CLASP1: variants seen among roughly 807,000 people sequenced by gnomAD.
CLASP1 encodes CLIP-associating protein 1.
Under a neutral mutation model 192.3 loss-of-function variants are expected in CLASP1, and 38 were observed. That is an observed-to-expected ratio of 0.20 (90% CI 0.15 to 0.26). The LOEUF is 0.26. Among genes scored for constraint, CLASP1 ranks in the 10% least tolerant of loss-of-function variants. The pLI is 1.00. For synonymous variants in CLASP1, 691 were observed against 712.8 expected (o/e 0.97, Z 0.49); for missense variants, 1,433 against 1,932.5 (o/e 0.74, Z 4.85).
chr2:121,587,109 T>C (rs187943765), intron 2 of CLASP1, among the ~76,000 whole-genome samples: 5 of 152,138 alleles, frequency 3.3e-5, no homozygotes, highest in East Asian at 1.9e-4. Flanking sequence ...GGCACAGTGG[T>C]GCGAGCCTGT....
chr2:121,640,016 T>C (rs2071722715), intron 1 of CLASP1, among the ~76,000 whole-genome samples: 1 of 152,082 alleles, frequency 6.6e-6, no homozygotes, highest in African/African-American at 2.4e-5. Context: ...GTGGCACATA[T>C]ATACCATGGA....
At chr2:121,363,334 A>T in intron 36 of CLASP1, 34 bp from the exon 38 acceptor site, 1 of 1,611,088 alleles carries the variant, frequency 6.2e-7, no homozygotes, top group South Asian at 1.1e-5. Context: ...ACATCACCAA[A>T]CACCACACAG....
intron 2 of CLASP1, among the ~76,000 whole-genome samples, chr2:121,594,883 C>T (rs1266275587): frequency 1.3e-5 from 2 of 152,004 alleles, no homozygotes; most frequent in Admixed American, 1.3e-4. Flanking sequence ...CACTGGGGTC[C>T]AGGTGAAACA....
At chr2:121,636,697 T>A (rs546097190) in intron 1 of CLASP1, among the ~76,000 whole-genome samples, 42 of 152,162 alleles carry the variant, frequency 2.8e-4, no homozygotes, top group Middle Eastern at 3.4e-3. Flanking sequence ...ATAAATTTTT[T>A]AAAAAATTTC....
chr2:121,367,709 G>C (rs1309383433), exon 35 of CLASP1: 4 of 1,614,026 alleles, frequency 2.5e-6, no homozygotes, highest in Non-Finnish European at 3.4e-6. Context: ...GCCCCGGGAA[G>C]GCGCGCGGAG....
At chr2:121,437,903 C>G (rs1363555791) in intron 19 of CLASP1, among the ~76,000 whole-genome samples, 2 of 152,174 alleles carry the variant, frequency 1.3e-5, no homozygotes, top group Non-Finnish European at 2.9e-5. Context: ...TGCTTTTACT[C>G]TAGAATAGTA....
At chr2:121,570,788 T>C (rs891971725) in intron 2 of CLASP1, among the ~76,000 whole-genome samples, 43 of 152,352 alleles carry the variant, frequency 2.8e-4, no homozygotes, top group African/African-American at 7.9e-4. Flanking sequence ...AAGGTTAGGA[T>C]GGATGCCAAG....
rs1255082905 is a variant in CLASP1, at chr2:121,615,519, G to C, written c.-285-9339C>G. Among the ~76,000 whole-genome samples the C allele has an allele frequency of 3.9e-5, 6 of 151,984 alleles. No homozygotes were observed. In the East Asian group the frequency reaches 1.2e-3, roughly 30 times the overall value. On this transcript the variant is annotated intron_variant, in intron 1 of 39. Transcript: ENST00000263710. ...AAGGTTAAAAAAACAAAAACAGGTC[G>C]GGTGCGGTGGCTCAAACCTGTAATC...
rs1316944449 is a variant in CLASP1 at position 121,407,416 on chromosome 2, T to C, written c.2669+55A>G. 3.7e-6 allele frequency: 6 copies of C among 1,600,038 alleles called. No individual in the cohort carries two copies. The South Asian group carries it at 4.5e-5, about 12-fold the overall frequency. ...ATTATAGGAAATCCCTTTAAACCCC[T>C]GAAGAGTCCAACAGGAGATTCAAAC... On this transcript the variant is annotated intron_variant, in intron 25 of 39. Transcript: ENST00000263710.
At chr2:121,465,957 T>C (rs1374367474) in intron 9 of CLASP1, among the ~76,000 whole-genome samples, 4 of 152,202 alleles carry the variant, frequency 2.6e-5, no homozygotes, top group Non-Finnish European at 5.9e-5. Context: ...CTGGGAAAAC[T>C]GGCTAGCCAT....
At chr2:121,349,390 G>C (rs1171741597) in intron 37 of CLASP1, among the ~76,000 whole-genome samples, 2 of 150,484 alleles carry the variant, frequency 1.3e-5, no homozygotes, top group South Asian at 4.2e-4. Context: ...AACTGGAGGA[G>C]GGGGTGCAAC....
intron 2 of CLASP1, among the ~76,000 whole-genome samples, chr2:121,556,511 G>A (rs553132544): frequency 1.1e-4 from 17 of 152,164 alleles, no homozygotes; most frequent in African/African-American, 2.2e-4. Flanking sequence ...TCTCTGCACC[G>A]GGTGCTCTGT....
At chr2:121,634,607 A>G (rs944086721) in intron 1 of CLASP1, among the ~76,000 whole-genome samples, 3 of 152,184 alleles carry the variant, frequency 2.0e-5, no homozygotes, top group Admixed American at 1.3e-4. Context: ...TCCTTTGGCC[A>G]CTTCAGAAAT....
intron 8 of CLASP1, among the ~76,000 whole-genome samples, chr2:121,477,785 G>C (rs983830132): frequency 2.0e-5 from 3 of 152,160 alleles, no homozygotes; most frequent in Non-Finnish European, 4.4e-5. Flanking sequence ...ATGCTTAAAA[G>C]TAACAAGAAA....
At chr2:121,639,619 G>A (rs115029810) in intron 1 of CLASP1, among the ~76,000 whole-genome samples, 21 of 152,240 alleles carry the variant, frequency 1.4e-4, no homozygotes, top group African/African-American at 4.3e-4. Flanking sequence ...CCAGCACTCT[G>A]GGAGGGGAAC....
chr2:121,443,347 T>C (rs1299065231), intron 19 of CLASP1, among the ~76,000 whole-genome samples: 1 of 152,176 alleles, frequency 6.6e-6, no homozygotes, highest in African/African-American at 2.4e-5. Flanking sequence ...AATTCTGTTA[T>C]ATAGGCATAG....
At chr2:121,548,234 C>G (rs1373437059) in intron 2 of CLASP1, among the ~76,000 whole-genome samples, 1 of 152,126 alleles carries the variant, frequency 6.6e-6, no homozygotes, top group Non-Finnish European at 1.5e-5. Context: ...AAGGATCTGA[C>G]AGAGCTGAAT....
rs769438128 is a variant in CLASP1 at position 121,605,809 on chromosome 2, G to A, written c.87C>T (p.Asp29=). ...CAGACTTCTGTTTGTCTGAGAAATA[G>A]TCTATCAGTTCTTGGCCAACCTGCA... The change falls in exon 2 of 40, where the codon GAC becomes GAT. Residue 29 remains aspartate, a synonymous_variant. Transcript: ENST00000263710. The A allele has an allele frequency of 3.7e-6, 6 of 1,614,032 alleles. No individual in the cohort carries two copies. In the East Asian group the frequency reaches 1.1e-4, roughly 30 times the overall value.
chr2:121,357,016 C>T (rs906553299), intron 37 of CLASP1, among the ~76,000 whole-genome samples: 4 of 152,154 alleles, frequency 2.6e-5, no homozygotes, highest in African/African-American at 4.8e-5. Context: ...CTGGGCAGCA[C>T]GTTTAAGGCT....
Sources: gnomAD v4.1 joint callset for allele counts (sites outside exome capture counted in the v4.1 genomes callset) on GRCh38, gnomAD v4.1.1 for gene constraint, MANE v1.5 for transcripts, NCBI Gene and HGNC (gene_info 2026-07-23, HGNC 2026-07-21) for gene names.